Variants in SBNO1 observed in about 807,000 individuals in gnomAD.
The protein encoded by SBNO1 is strawberry notch homolog 1, also known as protein strawberry notch homolog 1.
SBNO1 carries 23 observed loss-of-function variants against 173.6 expected under a neutral mutation model. That is an observed-to-expected ratio of 0.13 (90% CI 0.10 to 0.19). The LOEUF is 0.19. Among genes scored for constraint, SBNO1 ranks in the 10% least tolerant of loss-of-function variants. SBNO1 has a pLI of 1.00. For synonymous variants in SBNO1, 632 were observed against 571.5 expected, an observed-to-expected ratio of 1.11 and a Z score of -1.51; for missense variants, 1,238 against 1,671.2, an observed-to-expected ratio of 0.74 and a Z score of 4.52.
chr12:123,328,081 A>C, intron 10 of SBNO1, 54 bp from the exon 11 acceptor site: 1 of 1,428,258 alleles, frequency 7.0e-7, no homozygotes. Context: ...AAGAATCTCC[A>C]GTCTTTCAAG....
rs1264830205 is a variant in SBNO1 at position 123,315,664 on chromosome 12, C to A, written c.2936-4G>T. 3 of 1,563,834 alleles carry A rather than the reference C, an allele frequency of 1.9e-6. No homozygotes were observed. Among genetic ancestry groups the A allele is most frequent in the Non-Finnish European group, 2.6e-6 (3 of 1,134,764 alleles). On this transcript the variant is annotated splice_polypyrimidine_tract_variant and splice_region_variant and intron_variant, in intron 21 of 31. Transcript: ENST00000602398. The stretch of plus-strand genomic sequence containing the variant: ...TGGTTTGATCTATGAGTACGTCCTG[C>A]AACGAAATTTTGTTTTAAAGATCAT...
chr12:123,315,876 G>A (rs189340485), intron 21 of SBNO1, among the ~76,000 whole-genome samples: 1 of 152,292 alleles, frequency 6.6e-6, no homozygotes, highest in East Asian at 1.9e-4. Context: ...ACATGTTACT[G>A]ATGCACAATT....
chr12:123,332,041 G>T (rs1031109366), intron 7 of SBNO1, among the ~76,000 whole-genome samples: 16 of 150,038 alleles, frequency 1.1e-4, no homozygotes, highest in African/African-American at 3.7e-4. Flanking sequence ...TTAGTAGACA[G>T]GGTTTCACCA....
chr12:123,348,627 G>A (rs1356581542), intron 2 of SBNO1, among the ~76,000 whole-genome samples: 1 of 152,190 alleles, frequency 6.6e-6, no homozygotes, highest in Non-Finnish European at 1.5e-5. Context: ...TTCACCGAGT[G>A]TGGTGGTGGG....
At chr12:123,361,729 T>TA (rs10649364) in intron 1 of SBNO1, among the ~76,000 whole-genome samples, 11,076 of 133,704 alleles carry the variant, frequency 0.083, 589 homozygotes, top group South Asian at 0.13. Flanking sequence ...CAAGACAGTC[T>TA]AAAAAAAAAA....
intron 1 of SBNO1, among the ~76,000 whole-genome samples, chr12:123,356,286 A>G (rs971548064): frequency 6.6e-6 from 1 of 152,244 alleles, no homozygotes; most frequent in Non-Finnish European, 1.5e-5. Context: ...AGTAAATGTT[A>G]GCTACTAGCT....
Position 123,302,760 on chromosome 12 carries a change from T to G in SBNO1, c.3845+64A>C, listed in dbSNP as rs150551615. The G allele has an allele frequency of 4.1e-5, 39 of 951,680 alleles. No homozygotes were observed. The East Asian group carries it at 9.1e-4, about 22-fold the overall frequency. The allele number at this position is 951,680 out of a possible 1,614,324, so 59.0% of individuals were successfully genotyped here. A position where few individuals can be genotyped will look rare whatever the true frequency, so the allele number is the denominator to read the frequency against. ...TTCATGAGGACATACTGATAAAGAG[T>G]GAAGGTGTATTTAAATCTCAATTAA... On this transcript the variant is annotated intron_variant, in intron 30 of 31. Transcript: ENST00000602398.
At chr12:123,363,915 G>C in intron 1 of SBNO1, 1 of 985,466 alleles carries the variant, frequency 1.0e-6, no homozygotes, top group Non-Finnish European at 1.2e-6. Flanking sequence ...AATCTCCTCA[G>C]CGGTTAAACC....
chr12:123,315,494 A>C (rs760104962), intron 22 of SBNO1, 50 bp from the exon 23 acceptor site: 1 of 1,585,488 alleles, frequency 6.3e-7, no homozygotes, highest in East Asian at 2.2e-5. Flanking sequence ...TTTTACCAGA[A>C]AACAGGTACA....
At chr12:123,353,073 G>A (rs970085695) in intron 1 of SBNO1, among the ~76,000 whole-genome samples, 2 of 152,124 alleles carry the variant, frequency 1.3e-5, no homozygotes, top group Non-Finnish European at 2.9e-5. Flanking sequence ...GCTAGGATTA[G>A]AGGCGTGCAC....
chr12:123,364,240 A>G (rs1875805797), intron 1 of SBNO1: 1 of 985,448 alleles, frequency 1.0e-6, no homozygotes. Flanking sequence ...CCTCGCCCAG[A>G]GCCGGGAGCA....
chr12:123,363,815 C>A, intron 1 of SBNO1: 1 of 973,474 alleles, frequency 1.0e-6, no homozygotes. Context: ...CAAACATTAA[C>A]CAAACAGAAG....
At chr12:123,350,251 T>C in intron 2 of SBNO1, 59 bp downstream of exon 2, 1 of 1,560,918 alleles carries the variant, frequency 6.4e-7, no homozygotes, top group Non-Finnish European at 8.8e-7. Flanking sequence ...GAGACTATCT[T>C]AAAAAAAAAT....
intron 20 of SBNO1, among the ~76,000 whole-genome samples, chr12:123,317,775 A>G (rs188848220): frequency 1.1e-3 from 162 of 152,340 alleles, no homozygotes; most frequent in Admixed American, 2.4e-3. Context: ...AAATGTGTCC[A>G]TGAGAGAAAT....
chr12:123,298,302 T>G lies in SBNO1; in HGVS notation c.3846-131A>C, dbSNP rs141597659. The G allele has an allele frequency of 2.3e-3, 2,170 of 940,756 alleles. 49 individuals carry two copies. In the Admixed American group the frequency reaches 0.033, roughly 14 times the overall value. 58.3% of individuals were successfully genotyped at this position (940,756 alleles called of 1,614,324 possible). A position where few individuals can be genotyped will look rare whatever the true frequency, so the allele number is the denominator to read the frequency against. On this transcript the variant is annotated intron_variant, in intron 30 of 31. Transcript: ENST00000602398. ...TTTTGTTGAGATGGAGTTTTGCTCT[T>G]GTTGCCCAGACTGGAGCGCAGTGGT...
At chr12:123,319,704 C>G (rs1267499869) in intron 20 of SBNO1, among the ~76,000 whole-genome samples, 196 bp downstream of exon 20, 1 of 152,178 alleles carries the variant, frequency 6.6e-6, no homozygotes, top group African/African-American at 2.4e-5. Context: ...CCACTGCACC[C>G]AGCCAATACT....
intron 1 of SBNO1, among the ~76,000 whole-genome samples, chr12:123,362,714 A>G (rs1875478580): frequency 7.0e-6 from 1 of 142,784 alleles, no homozygotes; most frequent in African/African-American, 2.6e-5. Flanking sequence ...GGTTGCAGTG[A>G]GCCGAGTTCA....
intron 3 of SBNO1, among the ~76,000 whole-genome samples, chr12:123,347,056 C>T (rs1343220652): frequency 3.0e-5 from 4 of 132,284 alleles, no homozygotes; most frequent in Admixed American, 1.8e-4. Context: ...CCAGCCTGGG[C>T]GACAAAGCGA....
rs911339384 is a variant in SBNO1, at chr12:123,311,189, T to C, written c.3221-60A>G. On this transcript the variant is annotated intron_variant, in intron 24 of 31. Transcript: ENST00000602398. ...ACAAGGGATGTCTACAATGTACCAC[T>C]AAGTGAGAAAAGTATGTTGTAAGTA... is the stretch of plus-strand genomic sequence containing the variant. 2.0e-5 allele frequency: 25 copies of C among 1,237,018 alleles called. No individual in the cohort carries two copies. The Admixed American group carries it at 4.3e-4, about 21-fold the overall frequency. 76.6% of individuals were successfully genotyped at this position (1,237,018 alleles called of 1,614,324 possible).
Sources: allele counts gnomAD v4.1 joint callset (sites outside exome capture counted in the v4.1 genomes callset), GRCh38; gene constraint gnomAD v4.1.1; transcripts MANE v1.5; gene names NCBI Gene and HGNC (gene_info 2026-07-23, HGNC 2026-07-21).